Variants in SWAP70 observed in about 807,000 individuals in gnomAD.
SWAP70 encodes the protein switch-associated protein 70.
SWAP70 carries 34 observed loss-of-function variants against 80.2 expected under a neutral mutation model. That is an observed-to-expected ratio of 0.42 (90% confidence interval 0.32 to 0.56). The LOEUF is 0.56. Ranked by LOEUF, SWAP70 falls within the 20% of genes least tolerant of loss-of-function variation. The probability of loss-of-function intolerance (pLI) is 0.09; values close to 1 mark genes in which losing one functional copy is unlikely to be tolerated. For missense variants in SWAP70, 578 were observed against 690.7 expected, an observed-to-expected ratio of 0.84 and a Z score of 1.83; for synonymous variants, 239 against 238.5, an observed-to-expected ratio of 1.00 and a Z score of -0.02.
chr11:9,718,143 A>T (rs955513607), intron 3 of SWAP70, among the ~76,000 whole-genome samples: 1 of 152,242 alleles, frequency 6.6e-6, no homozygotes, highest in African/African-American at 2.4e-5. Flanking sequence ...AATCAAGTTA[A>T]TCTCATTTGA....
intron 1 of SWAP70, among the ~76,000 whole-genome samples, chr11:9,668,633 T>C (rs1850337382): frequency 6.6e-6 from 1 of 152,234 alleles, no homozygotes; most frequent in East Asian, 1.9e-4. Context: ...CATGCTAATT[T>C]AGTCAGAAGA....
At chr11:9,675,340 AGGGAG>A in intron 1 of SWAP70, among the ~76,000 whole-genome samples, 1 of 62,400 alleles carries the variant, frequency 1.6e-5, no homozygotes, top group South Asian at 9.2e-4. Flanking sequence ...AGAGAGAGAG[AGGGAG>A]CGAGAGAGAG....
Position 9,664,285 on chromosome 11 carries a change from G to C in SWAP70, c.99+7G>C. 3 of 1,561,238 alleles carry C rather than the reference G, an allele frequency of 1.9e-6. No homozygotes were observed. Among genetic ancestry groups the C allele is most frequent in the Non-Finnish European group, 2.6e-6 (3 of 1,154,108 alleles). On this transcript the variant is annotated splice_region_variant and intron_variant, in intron 1 of 11. Transcript: ENST00000318950. The stretch of plus-strand genomic sequence containing the variant: ...CTCCAAGTCCCAGCTCAAGGTGGGC[G>C]CCTCCTGACCCGGCCCCCCACCCGA...
chr11:9,707,536 A>T (rs1229835015), intron 2 of SWAP70, among the ~76,000 whole-genome samples: 1 of 150,584 alleles, frequency 6.6e-6, no homozygotes, highest in Non-Finnish European at 1.5e-5. Context: ...GTATGTATAT[A>T]ACACATTTTC....
intron 3 of SWAP70, among the ~76,000 whole-genome samples, chr11:9,721,446 C>A (rs1851136059): frequency 6.7e-6 from 1 of 150,192 alleles, no homozygotes; most frequent in African/African-American, 2.5e-5. Flanking sequence ...ATCAATAGAC[C>A]TTTTAATATA....
intron 1 of SWAP70, among the ~76,000 whole-genome samples, chr11:9,683,708 C>G (rs1008306346): frequency 1.3e-5 from 2 of 152,120 alleles, no homozygotes; most frequent in Non-Finnish European, 2.9e-5. Flanking sequence ...AAAGATTGCC[C>G]CTTATGGGAC....
At chr11:9,739,763 TAAAG>T (rs1851411526) in intron 8 of SWAP70, among the ~76,000 whole-genome samples, 1 of 152,160 alleles carries the variant, frequency 6.6e-6, no homozygotes, top group African/African-American at 2.4e-5. Flanking sequence ...AGTGTAACAC[TAAAG>T]AAGACTGGGA....
intron 2 of SWAP70, among the ~76,000 whole-genome samples, chr11:9,694,854 T>G (rs567483139): frequency 6.6e-6 from 1 of 152,322 alleles, no homozygotes; most frequent in African/African-American, 2.4e-5. Flanking sequence ...TTTTACACTG[T>G]TGGTGGAAAT....
intron 7 of SWAP70, 27 bp downstream of exon 7, chr11:9,732,737 G>C (rs781235140): frequency 1.2e-5 from 18 of 1,522,688 alleles, no homozygotes; most frequent in Middle Eastern, 2.3e-4. Context: ...GGCTGGGAGA[G>C]GGCCCTTCAT....
intron 4 of SWAP70, among the ~76,000 whole-genome samples, chr11:9,725,857 G>A (rs1379891602): frequency 2.7e-5 from 3 of 111,682 alleles, no homozygotes; most frequent in Non-Finnish European, 6.0e-5. Flanking sequence ...GGCGTGAACC[G>A]CCGCGCCCAG....
chr11:9,682,763 G>A (rs1242879417), intron 1 of SWAP70, among the ~76,000 whole-genome samples: 2 of 152,110 alleles, frequency 1.3e-5, no homozygotes, highest in African/African-American at 2.4e-5. Context: ...TGCAACCTCC[G>A]CCTCCCGGGT....
At chr11:9,726,918 A>C (rs1369540761) in intron 4 of SWAP70, 3 of 456,300 alleles carry the variant, frequency 6.6e-6, no homozygotes, top group Non-Finnish European at 1.3e-5. Flanking sequence ...TCTGGGGCAG[A>C]GTTCCTCCTT....
chr11:9,671,129 A>G (rs1397584639), intron 1 of SWAP70, among the ~76,000 whole-genome samples: 1 of 133,824 alleles, frequency 7.5e-6, no homozygotes, highest in Non-Finnish European at 1.5e-5. Context: ...ATATAAATAT[A>G]TTTATAAATA....
chr11:9,736,231 A>G (rs763966303), intron 7 of SWAP70, among the ~76,000 whole-genome samples: 3 of 151,932 alleles, frequency 2.0e-5, no homozygotes, highest in Non-Finnish European at 2.9e-5. Flanking sequence ...ATTATTCTCT[A>G]TTTTATGGTA....
At chr11:9,668,309 A>G (rs1290967327) in intron 1 of SWAP70, among the ~76,000 whole-genome samples, 1 of 152,302 alleles carries the variant, frequency 6.6e-6, no homozygotes, top group South Asian at 2.1e-4. Context: ...ATGGCTGCTT[A>G]TAGGAAAAGC....
intron 1 of SWAP70, among the ~76,000 whole-genome samples, chr11:9,668,785 A>T (rs530449297): frequency 3.3e-5 from 5 of 152,334 alleles, no homozygotes; most frequent in African/African-American, 1.2e-4. Context: ...GGGTATTCTA[A>T]AATATTTTTG....
chr11:9,725,530 AATATATATAT>A (rs1211819180), intron 4 of SWAP70, among the ~76,000 whole-genome samples: 759 of 60,384 alleles, frequency 0.013, 14 homozygotes, highest in East Asian at 0.035. Context: ...AAAAATACAA[AATATATATAT>A]ATATATATAT....
rs1851418800 is a variant in SWAP70 at position 9,740,281 on chromosome 11, A to G, written c.1289A>G (p.Gln430Arg). The change falls in exon 9 of 12, where the codon CAG becomes CGG. Residue 430 changes from glutamine (Q) to arginine (R), a missense_variant. Transcript: ENST00000318950. ...RELEDMYLKL[Q>R]EALEDERQAR... ...CTGGAAGACATGTACCTAAAGCTGCAGGAGGCTCTTGAAGATGAGAGACAG... is the reference window on the plus strand; with the variant it reads ...CTGGAAGACATGTACCTAAAGCTGCGGGAGGCTCTTGAAGATGAGAGACAG... 1 of 1,614,142 alleles carries G rather than the reference A, an allele frequency of 6.2e-7. No individual in the cohort carries two copies.
rs1277934371 is a variant in SWAP70 at position 9,694,203 on chromosome 11, GA to G, written c.159del (p.Glu54SerfsTer20). On this transcript the variant is annotated frameshift_variant, in exon 2 of 12. Coordinates refer to ENST00000318950, the MANE Select transcript of SWAP70 (RefSeq NM_015055.4). LOFTEE classifies it high-confidence loss of function. Reference sequence around the variant, plus strand: ...GGTTCCTCATGACCCAGTTGCCCTTGAAGAGCACTTCAGGGATGATGATGAG... The same window carrying G: ...GGTTCCTCATGACCCAGTTGCCCTTGAGAGCACTTCAGGGATGATGATGAG... ...LKVPHDPVAL[E>X]EHFRDDDEGP... is the part of the protein sequence containing the mutation. The G allele has an allele frequency of 1.2e-6, 2 of 1,613,188 alleles. No individual in the cohort carries two copies. The highest frequency in any genetic ancestry group is 2.7e-5 in the African/African-American group (2 of 74,986).
Sources: allele counts gnomAD v4.1 joint callset (sites outside exome capture counted in the v4.1 genomes callset), GRCh38; gene constraint gnomAD v4.1.1; transcripts MANE v1.5; gene names NCBI Gene and HGNC (gene_info 2026-07-23, HGNC 2026-07-21).